GRIN2B: variants seen among roughly 807,000 people sequenced by gnomAD.
The protein encoded by GRIN2B is glutamate receptor ionotropic, NMDA 2B.
A neutral mutation model predicts 114.5 loss-of-function variants in GRIN2B; 5 were observed. The ratio of observed to expected loss-of-function variants is 0.04; its 90% CI spans 0.02 to 0.09. GRIN2B has a LOEUF of 0.09. GRIN2B is among the 10% of genes least tolerant of loss of function. The pLI is 1.00. For missense variants in GRIN2B, 1,108 were observed against 1,943.5 expected (o/e 0.57, Z 8.08); for synonymous variants, 787 against 745.1 (o/e 1.06, Z -0.92).
intron 3 of GRIN2B, among the ~76,000 whole-genome samples, chr12:13,773,912 T>C (rs1863953829): frequency 6.6e-6 from 1 of 152,150 alleles, no homozygotes; most frequent in Non-Finnish European, 1.5e-5. Flanking sequence ...GGTCCTGCCT[T>C]GGGAACACTG....
chr12:13,645,797 G>A (rs897186179), intron 5 of GRIN2B, among the ~76,000 whole-genome samples: 2 of 151,934 alleles, frequency 1.3e-5, no homozygotes, highest in Admixed American at 1.3e-4. Context: ...CATTTCTCCT[G>A]TCCAATTCAC....
chr12:13,869,303 T>C (rs950972440), intron 2 of GRIN2B, among the ~76,000 whole-genome samples: 3 of 147,436 alleles, frequency 2.0e-5, no homozygotes, highest in African/African-American at 7.6e-5. Context: ...TTCAGGACCA[T>C]GGTCTAGCAG....
chr12:13,723,296 C>G (rs1230755503), intron 4 of GRIN2B, among the ~76,000 whole-genome samples: 3 of 151,958 alleles, frequency 2.0e-5, no homozygotes, highest in Admixed American at 6.6e-5. Flanking sequence ...CCTAGCCCCC[C>G]ACCTTTTGTT....
chr12:13,777,024 G>A (rs1034459399), intron 3 of GRIN2B, among the ~76,000 whole-genome samples: 5 of 152,060 alleles, frequency 3.3e-5, no homozygotes, highest in Non-Finnish European at 7.4e-5. Flanking sequence ...TGTCCCTAAG[G>A]TGCAAGTTCT....
At chr12:13,796,371 C>T (rs1463446525) in intron 3 of GRIN2B, among the ~76,000 whole-genome samples, 1 of 152,162 alleles carries the variant, frequency 6.6e-6, no homozygotes, top group African/African-American at 2.4e-5. Context: ...CCTTGGATAT[C>T]TTTCTTTTTA....
At chr12:13,799,960 A>G (rs11055625) in intron 3 of GRIN2B, among the ~76,000 whole-genome samples, 10,262 of 152,020 alleles carry the variant, frequency 0.068, 504 homozygotes, top group East Asian at 0.16. Context: ...ATAGTACTCT[A>G]TTTCTCCCAG....
intron 5 of GRIN2B, among the ~76,000 whole-genome samples, chr12:13,657,802 G>A (rs1949880985): frequency 1.3e-5 from 2 of 152,032 alleles, no homozygotes; most frequent in Admixed American, 6.6e-5. Context: ...TAGTTTATAC[G>A]ATTTAATATA....
chr12:13,761,071 C>G (rs1247046514), intron 3 of GRIN2B, among the ~76,000 whole-genome samples: 2 of 152,168 alleles, frequency 1.3e-5, no homozygotes, highest in East Asian at 3.8e-4. Context: ...GATACAGAAT[C>G]ATGATCTTTC....
At chr12:13,958,688 G>C (rs1311653941) in intron 2 of GRIN2B, among the ~76,000 whole-genome samples, 2 of 152,026 alleles carry the variant, frequency 1.3e-5, no homozygotes, top group Non-Finnish European at 2.9e-5. Context: ...GCCCAGATTT[G>C]CTTCCTCCTC....
Position 13,937,094 on chromosome 12 carries a change from AAAGG to A in GRIN2B, c.-19+42830_-19+42833del, listed in dbSNP as rs1358842418. Among the ~76,000 whole-genome samples, 1,043 of 146,012 alleles carry A rather than the reference AAAGG, an allele frequency of 7.1e-3. 22 individuals carry two copies. The highest frequency in any genetic ancestry group is 0.024 in the African/African-American group (954 of 39,858). ...CAAACAGCACAGAAATAAAAAAAAA[AAAGG>A]GGGGGGGGAAGATTGAAGAAAAATG... On this transcript the variant is annotated intron_variant, in intron 2 of 13. Coordinates refer to ENST00000609686, the MANE Select transcript of GRIN2B (RefSeq NM_000834.5).
At chr12:13,970,722 C>CACACAT (rs1555163310) in intron 2 of GRIN2B, among the ~76,000 whole-genome samples, 1 of 148,626 alleles carries the variant, frequency 6.7e-6, no homozygotes, top group African/African-American at 2.5e-5. Context: ...CACACACACA[C>CACACAT]ACATCCAGTA....
At chr12:13,640,770 C>T (rs567265893) in intron 5 of GRIN2B, among the ~76,000 whole-genome samples, 1 of 152,188 alleles carries the variant, frequency 6.6e-6, no homozygotes, top group African/African-American at 2.4e-5. Context: ...CCTGTACCTG[C>T]AGGAACCAAA....
chr12:13,689,346 C>G (rs903016583), intron 4 of GRIN2B, among the ~76,000 whole-genome samples: 1 of 152,162 alleles, frequency 6.6e-6, no homozygotes, highest in Admixed American at 6.5e-5. Flanking sequence ...TGGAAAGGTG[C>G]CTGGCACATA....
chr12:13,646,405 C>G (rs1055873351), intron 5 of GRIN2B, among the ~76,000 whole-genome samples: 1 of 152,116 alleles, frequency 6.6e-6, no homozygotes, highest in Non-Finnish European at 1.5e-5. Context: ...TTTAAATCCT[C>G]ACTGTAATAA....
chr12:13,973,732 T>A (rs1435671449), intron 2 of GRIN2B, among the ~76,000 whole-genome samples: 1 of 152,246 alleles, frequency 6.6e-6, no homozygotes, highest in African/African-American at 2.4e-5. Context: ...GCATCTTTAA[T>A]AAGTCATCAG....
At chr12:13,628,119 A>T (rs1329662203) in intron 5 of GRIN2B, among the ~76,000 whole-genome samples, 1 of 152,234 alleles carries the variant, frequency 6.6e-6, no homozygotes, top group Non-Finnish European at 1.5e-5. Context: ...AGTATCAGGC[A>T]TGTCATAATA....
rs1330372199 is a variant in GRIN2B, at chr12:13,981,448, G to A, written c.-554C>T. On this transcript the variant is annotated 5_prime_UTR_variant, in exon 1 of 14. Transcript: ENST00000609686. ...AGCAGGATTAATGATCCGTCTCGGG[G>A]GTTTTGAAGTTCATGACTCTTCTTT... 6.6e-6 allele frequency: 1 copy of A among 152,146 alleles called. No homozygotes were observed. The highest frequency in any genetic ancestry group is 2.4e-5 in the African/African-American group (1 of 41,414). 9.4% of individuals were successfully genotyped at this position (152,146 alleles called of 1,614,324 possible).
chr12:13,819,120 T>C (rs979021774), intron 3 of GRIN2B, among the ~76,000 whole-genome samples: 1 of 152,140 alleles, frequency 6.6e-6, no homozygotes, highest in African/African-American at 2.4e-5. Context: ...CTGACAAGTG[T>C]CTTTATAAAA....
intron 3 of GRIN2B, among the ~76,000 whole-genome samples, chr12:13,807,709 C>CTTTTTTTT (rs71067726): frequency 3.9e-5 from 3 of 77,388 alleles, no homozygotes; most frequent in Non-Finnish European, 7.1e-5. Context: ...AAGCAGAAGG[C>CTTTTTTTT]TTTTTTTTTT....
Sources: allele counts gnomAD v4.1 joint callset (sites outside exome capture counted in the v4.1 genomes callset), GRCh38; gene constraint gnomAD v4.1.1; transcripts MANE v1.5; gene names NCBI Gene and HGNC (gene_info 2026-07-23, HGNC 2026-07-21).